Variants in PRKDC observed in about 807,000 individuals in gnomAD.
PRKDC encodes the protein DNA-dependent protein kinase catalytic subunit.
In PRKDC, 82 loss-of-function variants were observed where a neutral mutation model predicts 486.9. The observed-to-expected ratio is 0.17, with a 90% CI of 0.14 to 0.20. The LOEUF is 0.20. Ranked by LOEUF, PRKDC falls within the 10% of genes least tolerant of loss-of-function variation. The pLI, the probability that PRKDC is intolerant of heterozygous loss-of-function variation, is 1.00. For missense variants in PRKDC, 4,504 were observed against 5,038.2 expected (o/e 0.89, Z 3.21); for synonymous variants, 1,895 against 1,837.0 (o/e 1.03, Z -0.81).
chr8:47,828,059 A>G, intron 62 of PRKDC, 109 bp downstream of exon 62: 2 of 1,079,350 alleles, frequency 1.9e-6, no homozygotes, highest in Non-Finnish European at 2.6e-6. Context: ...TTACTCTGTT[A>G]AACACCAGGT....
At position 47,890,350 on chromosome 8, in the gene PRKDC, C is replaced by T. The variant is rs1443223999; in HGVS notation, c.3978G>A (p.Glu1326=). 2 of 1,613,404 alleles carry T rather than the reference C, an allele frequency of 1.2e-6. No individual in the cohort carries two copies. Among genetic ancestry groups the T allele is most frequent in the African/African-American group, 1.3e-5 (1 of 74,908 alleles). Residue 1326 remains glutamate (E), a synonymous_variant, in exon 32 of 86, where the codon GAG becomes GAA. Coordinates refer to ENST00000314191, the MANE Select transcript of PRKDC (RefSeq NM_006904.7). ...ATTTGCTGTAGTTGTACCTTTCTCCCTCTTGTGGGCTTGTTCTGTTACCTG... is the reference window on the plus strand; with the variant it reads ...ATTTGCTGTAGTTGTACCTTTCTCCTTCTTGTGGGCTTGTTCTGTTACCTG... ...GAAGNRTSPQ[E]GERYNYSKCT... is the part of the protein sequence containing the mutation.
At position 47,957,182 on chromosome 8, in the gene PRKDC, C is replaced by T; in HGVS notation, c.313G>A (p.Val105Ile). The change falls in exon 3 of 86, where the codon GTT (valine) becomes ATT (isoleucine). Residue 105 changes from valine (V) to isoleucine (I), a missense_variant. Around this residue, in one of 6 missense-constraint regions of PRKDC, gnomAD observed 145 missense variants for 136.3 expected, o/e 1.06. Transcript: ENST00000314191. Reference sequence around the variant, plus strand: ...TTTTTAATTCTTACCTTAATTTCAACAGAGTAAGGTGCGATCTTCTGGCCC... The same window carrying T: ...TTTTTAATTCTTACCTTAATTTCAATAGAGTAAGGTGCGATCTTCTGGCCC... ...KMGQKIAPYS[V>I]EIKNTCTSVY... 1 of 1,573,680 alleles carries T rather than the reference C, an allele frequency of 6.4e-7. No homozygotes were observed. The highest frequency in any genetic ancestry group is 1.4e-5 in the African/African-American group (1 of 73,896).
intron 77 of PRKDC, among the ~76,000 whole-genome samples, chr8:47,784,589 C>T (rs1353636237): frequency 6.6e-6 from 1 of 152,174 alleles, no homozygotes; most frequent in Non-Finnish European, 1.5e-5. Flanking sequence ...GGAATGTACA[C>T]AGGTTTCCTC....
chr8:47,817,659 C>A, intron 67 of PRKDC, 98 bp from the exon 68 acceptor site: 2 of 724,178 alleles, frequency 2.8e-6, no homozygotes, highest in Admixed American at 2.9e-5. Context: ...AACTTCCTGC[C>A]CAAATTACAA....
chr8:47,912,404 C>T lies in PRKDC; in HGVS notation c.2934+6G>A. 1 of 1,566,842 alleles carries T rather than the reference C, an allele frequency of 6.4e-7. No homozygotes were observed. The highest frequency in any genetic ancestry group is 1.4e-5 in the African/African-American group (1 of 73,066). ...TTTACAACTATTTCAGATTCAAAGC[C>T]CTTACCTGATCAACATCACACGCAA... On this transcript the variant is annotated splice_donor_region_variant and intron_variant, in intron 25 of 85. Coordinates refer to ENST00000314191, the MANE Select transcript of PRKDC (RefSeq NM_006904.7).
At chr8:47,801,097 G>A in intron 70 of PRKDC, 111 bp from the exon 71 acceptor site, 1 of 1,086,298 alleles carries the variant, frequency 9.2e-7, no homozygotes, top group Non-Finnish European at 1.3e-6. Flanking sequence ...TTTGGGATAG[G>A]GTCTCGCTCT....
At chr8:47,900,628 G>A (rs1036201104) in intron 27 of PRKDC, among the ~76,000 whole-genome samples, 161 bp from the exon 28 acceptor site, 1 of 152,162 alleles carries the variant, frequency 6.6e-6, no homozygotes, top group Admixed American at 6.5e-5. Flanking sequence ...TTGGGAGGCC[G>A]AGGCAGGTGG....
In PRKDC at chr8:47,839,231, C is replaced by T. The variant is rs2088091191; in HGVS notation, c.7470G>A (p.Glu2490=). The T allele has an allele frequency of 1.2e-6, 2 of 1,613,048 alleles. No homozygotes were observed. Among genetic ancestry groups the T allele is most frequent in the East Asian group, 2.2e-5 (1 of 44,870 alleles). The change falls in exon 56 of 86, where the codon GAG becomes GAA. Residue 2490 remains glutamate (E), a synonymous_variant. Transcript: ENST00000314191. ...IHDNYRDPES[E]TDNDSQEIFK... ...ATATTTCCTGGGAGTCATTATCTGTCTCACTTTCTGGATCTCTGCTTGAGA... is the reference window on the plus strand; with the variant it reads ...ATATTTCCTGGGAGTCATTATCTGTTTCACTTTCTGGATCTCTGCTTGAGA...
At chr8:47,950,297 GA>G (rs2090606143) in intron 7 of PRKDC, among the ~76,000 whole-genome samples, 1 of 150,946 alleles carries the variant, frequency 6.6e-6, no homozygotes, top group Admixed American at 6.6e-5. Flanking sequence ...AAGTGATAAG[GA>G]AGAGCAAAGG....
At chr8:47,935,705 C>G (rs1237809513) in intron 13 of PRKDC, 27 bp downstream of exon 13, 1 of 1,607,646 alleles carries the variant, frequency 6.2e-7, no homozygotes, top group South Asian at 1.1e-5. Flanking sequence ...CATCATTACT[C>G]ATAAATACAA....
chr8:47,783,873 T>A, intron 77 of PRKDC, 64 bp from the exon 78 acceptor site: 1 of 1,474,180 alleles, frequency 6.8e-7, no homozygotes. Flanking sequence ...TTTTAAAACA[T>A]GCCTCTTGAT....
intron 74 of PRKDC, among the ~76,000 whole-genome samples, chr8:47,790,247 T>C (rs950562324): frequency 3.9e-5 from 6 of 152,212 alleles, no homozygotes; most frequent in Non-Finnish European, 7.3e-5. Context: ...ATCAGTAGCA[T>C]TTCTATATGC....
chr8:47,887,476 A>G (rs1381871377), intron 35 of PRKDC, 71 bp downstream of exon 35: 1 of 1,362,678 alleles, frequency 7.3e-7, no homozygotes. Flanking sequence ...CACAGTTTCT[A>G]GAGACACCTG....
rs764001129 is a variant in PRKDC, at chr8:47,859,692, T to G, written c.6126A>C (p.Gln2042His). Residue 2042 changes from glutamine (Q) to histidine (H), a missense_variant, in exon 46 of 86, where the codon CAA (glutamine) becomes CAC (histidine). Coordinates refer to ENST00000314191, the MANE Select transcript of PRKDC (RefSeq NM_006904.7). The stretch of plus-strand genomic sequence containing the variant: ...TCTGAACTCCGGTTGAGAAATCAAA[T>G]TGACTCATTTCCTCACTCAGGGTAC... ...ADSTLSEEMS[Q>H]FDFSTGVQSY... The G allele has an allele frequency of 1.2e-6, 2 of 1,613,862 alleles. No individual in the cohort carries two copies. The highest frequency in any genetic ancestry group is 4.5e-5 in the East Asian group (2 of 44,874).
intron 73 of PRKDC, among the ~76,000 whole-genome samples, chr8:47,796,734 G>T (rs2086992942): frequency 6.6e-6 from 1 of 151,762 alleles, no homozygotes. Context: ...CGAGTAGCTG[G>T]GTTTACAGGT....
intron 7 of PRKDC, among the ~76,000 whole-genome samples, 178 bp downstream of exon 7, chr8:47,953,442 G>A (rs2090657124): frequency 6.6e-6 from 1 of 152,248 alleles, no homozygotes; most frequent in African/African-American, 2.4e-5. Flanking sequence ...CTGTTGTGCT[G>A]TAGTTGGGAA....
chr8:47,895,548 T>C (rs1462958737), intron 30 of PRKDC, among the ~76,000 whole-genome samples: 1 of 152,094 alleles, frequency 6.6e-6, no homozygotes, highest in African/African-American at 2.4e-5. Context: ...CAATGTGAGA[T>C]AGTGGTCTGC....
intron 33 of PRKDC, 142 bp from the exon 34 acceptor site, chr8:47,888,792 G>T: frequency 7.8e-7 from 1 of 1,273,964 alleles, no homozygotes; most frequent in Non-Finnish European, 1.1e-6. Context: ...CTAGCATGGA[G>T]ATCAAACATG....
At chr8:47,896,124 T>G (rs1563791224) in intron 30 of PRKDC, among the ~76,000 whole-genome samples, 1 of 152,104 alleles carries the variant, frequency 6.6e-6, no homozygotes, top group Non-Finnish European at 1.5e-5. Flanking sequence ...ATTATACATG[T>G]AAAATGATAT....
Sources: gnomAD v4.1 joint callset for allele counts (sites outside exome capture counted in the v4.1 genomes callset) on GRCh38, gnomAD v4.1.1 for gene constraint, gnomAD v4.1.1 regional missense constraint, MANE v1.5 for transcripts, NCBI Gene and HGNC (gene_info 2026-07-23, HGNC 2026-07-21) for gene names.